The following MYOM2 variants were observed in gnomAD, a reference collection of about 807,000 sequenced individuals.
The protein encoded by MYOM2 is myomesin 2.
MYOM2 carries 254 observed loss-of-function variants against 187.6 expected under a neutral mutation model. The ratio of observed to expected loss-of-function variants is 1.35; its 90% CI spans 1.22 to 1.50. MYOM2 has a LOEUF of 1.50. MYOM2 is among the 40% of genes most tolerant of loss of function. The pLI is 0.00. For synonymous variants in MYOM2, 981 were observed against 753.8 expected (o/e 1.30, Z -4.94); for missense variants, 2,796 against 1,924.0 (o/e 1.45, Z -8.48).
intron 14 of MYOM2, among the ~76,000 whole-genome samples, chr8:2,089,474 C>T (rs1257745963): frequency 1.3e-5 from 2 of 152,162 alleles, no homozygotes; most frequent in Non-Finnish European, 2.9e-5. Context: ...TCTTATTAGA[C>T]TAAAGATCTT....
At chr8:2,130,938 C>A (rs894617072) in intron 32 of MYOM2, among the ~76,000 whole-genome samples, 1 of 152,176 alleles carries the variant, frequency 6.6e-6, no homozygotes, top group African/African-American at 2.4e-5. Context: ...TTTGAGCTTC[C>A]TTCTTATTTA....
chr8:2,056,975 C>T (rs927080567), intron 3 of MYOM2, among the ~76,000 whole-genome samples: 3 of 152,330 alleles, frequency 2.0e-5, no homozygotes, highest in Middle Eastern at 3.4e-3. Context: ...AAGTTCCCGA[C>T]TCTCTGAGTG....
At position 2,123,313 on chromosome 8, in the gene MYOM2, C is replaced by G. The variant is rs139807442; in HGVS notation, c.3515C>G (p.Thr1172Arg). The change falls in exon 29 of 37, where the codon ACG becomes AGG. Residue 1172 changes from threonine to arginine, a missense_variant. Transcript: ENST00000262113. ...CTCAAGGATGATGTTCTGTATGAAA[C>G]GGAGACACTGCCTAACCTGGAGAGG... is the stretch of plus-strand genomic sequence containing the variant. ...KWLKDDVLYE[T>R]ETLPNLERGI... 2 of 1,613,938 alleles carry G rather than the reference C, an allele frequency of 1.2e-6. No individual in the cohort carries two copies. Among genetic ancestry groups the G allele is most frequent in the Admixed American group, 3.3e-5 (2 of 60,018 alleles).
chr8:2,046,751 C>CTTTT (rs574408692), intron 1 of MYOM2, among the ~76,000 whole-genome samples: 1 of 139,510 alleles, frequency 7.2e-6, no homozygotes, highest in Non-Finnish European at 1.5e-5. Context: ...TTTCTTTTTT[C>CTTTT]TTTTTTTTTT....
At chr8:2,138,973 CCACCA>C (rs1798178295) in intron 32 of MYOM2, among the ~76,000 whole-genome samples, 6 of 146,572 alleles carry the variant, frequency 4.1e-5, no homozygotes, top group Non-Finnish European at 7.5e-5. Flanking sequence ...GCCAGCACCA[CCACCA>C]GAGACCCGAC....
chr8:2,061,276 C>A (rs1019685361), intron 6 of MYOM2, among the ~76,000 whole-genome samples: 1 of 151,876 alleles, frequency 6.6e-6, no homozygotes, highest in African/African-American at 2.4e-5. Flanking sequence ...GGGAGGGTGT[C>A]TCTGTCCCTG....
Position 2,103,529 on chromosome 8 carries a change from G to A in MYOM2, c.2734+748G>A, listed in dbSNP as rs1346248634. ...GTGGGAGAGTGTGCATGTATTCTGT[G>A]TATATGTGTATGTATGGATGGGTGT... On this transcript the variant is annotated intron_variant, in intron 21 of 36. Coordinates refer to ENST00000262113, the MANE Select transcript of MYOM2 (RefSeq NM_003970.4). Among the ~76,000 whole-genome samples, 53 of 149,720 alleles carry A rather than the reference G, an allele frequency of 3.5e-4. 2 individuals carry two copies. Among genetic ancestry groups the A allele is most frequent in the Admixed American group, 3.5e-3 (53 of 15,044 alleles).
intron 27 of MYOM2, among the ~76,000 whole-genome samples, chr8:2,116,701 A>G (rs866193506): frequency 1.9e-4 from 29 of 152,226 alleles, no homozygotes; most frequent in Middle Eastern, 3.2e-3. Flanking sequence ...TTAACTAGAT[A>G]CAAAGGAAAA....
chr8:2,138,516 A>G (rs1051768418), intron 32 of MYOM2, among the ~76,000 whole-genome samples: 6 of 152,212 alleles, frequency 3.9e-5, no homozygotes, highest in African/African-American at 9.6e-5. Flanking sequence ...ATTATGGGAA[A>G]AGGGAGCTAA....
rs1462335531 is a variant in MYOM2, at chr8:2,073,494, G to C, written c.1114G>C (p.Val372Leu). Reference protein sequence around the residue: ...GVSDHSAFLFVRDADPLVTGA... With the variant: ...GVSDHSAFLFLRDADPLVTGA... ...CAGCGACCACAGCGCCTTCCTGTTT[G>C]TCAGAGGTGCGGGCAGCAGGGTTCT... The change falls in exon 10 of 37, where the codon GTC becomes CTC. Residue 372 changes from valine to leucine, a missense_variant. Transcript: ENST00000262113. 1.2e-6 allele frequency: 2 copies of C among 1,602,506 alleles called. No homozygotes were observed. Among genetic ancestry groups the C allele is most frequent in the African/African-American group, 2.7e-5 (2 of 74,344 alleles).
intron 32 of MYOM2, among the ~76,000 whole-genome samples, chr8:2,133,248 TC>T (rs1427416016): frequency 1.3e-5 from 2 of 152,228 alleles, no homozygotes; most frequent in Non-Finnish European, 2.9e-5. Context: ...CTCAACACTG[TC>T]CTCTCCAGCC....
At chr8:2,047,886 C>T (rs770604817) in intron 1 of MYOM2, among the ~76,000 whole-genome samples, 12 of 152,262 alleles carry the variant, frequency 7.9e-5, no homozygotes, top group East Asian at 3.9e-4. Context: ...CCGGATGTCA[C>T]GTCAGTGATA....
At chr8:2,079,415 C>G in intron 12 of MYOM2, 145 bp from the exon 13 acceptor site, 1 of 791,376 alleles carries the variant, frequency 1.3e-6, no homozygotes, top group Non-Finnish European at 2.2e-6. Context: ...CAGGACACTT[C>G]CAGAATCAGC....
In MYOM2 at chr8:2,132,081, C is replaced by T. The variant is rs570635898; in HGVS notation, c.3800+2849C>T. On this transcript the variant is annotated intron_variant, in intron 32 of 36. Transcript: ENST00000262113. ...TCACTTCTTGATGACTAAATGCGTT[C>T]TTATTAGATAGCAACTGGAAAAAAA... 2.0e-5 allele frequency among the ~76,000 whole-genome samples: 3 copies of T among 152,238 alleles called. No homozygotes were observed. The South Asian group carries it at 6.2e-4, about 32-fold the overall frequency.
At chr8:2,049,686 T>C (rs1356797536) in intron 1 of MYOM2, among the ~76,000 whole-genome samples, 5 of 152,196 alleles carry the variant, frequency 3.3e-5, no homozygotes, top group Admixed American at 2.6e-4. Flanking sequence ...GCTCAGGTTG[T>C]GAGTCCTTTT....
rs376892891 is a variant in MYOM2 at position 2,052,165 on chromosome 8, T to C, written c.115T>C (p.Ser39Pro). 17 of 1,613,054 alleles carry C rather than the reference T, an allele frequency of 1.1e-5. No individual in the cohort carries two copies. The African/African-American group carries it at 2.1e-4, about 20-fold the overall frequency. ...LDEYASKKRA[S>P]TQASSQKSLS... ...GTGTCCATGTTCCTGAAGGCGAGCTTCCACCCAGGCATCTTCCCAGAAGTC... is the reference window on the plus strand; with the variant it reads ...GTGTCCATGTTCCTGAAGGCGAGCTCCCACCCAGGCATCTTCCCAGAAGTC... The change falls in exon 3 of 37, where the codon TCC becomes CCC. Residue 39 changes from serine to proline, a missense_variant. Physicochemically the swap from Ser to Pro is moderately conservative, Grantham distance 74. Transcript: ENST00000262113.
At chr8:2,100,129 TTTCCTTCC>T (rs71211554) in intron 19 of MYOM2, among the ~76,000 whole-genome samples, 2,162 of 45,484 alleles carry the variant, frequency 0.048, 65 homozygotes, top group East Asian at 0.06. Context: ...TCCTTCCTTC[TTTCCTTCC>T]TTCCTTCCTT....
intron 9 of MYOM2, among the ~76,000 whole-genome samples, chr8:2,073,023 G>T (rs1446007314): frequency 1.3e-5 from 2 of 152,226 alleles, no homozygotes; most frequent in Non-Finnish European, 1.5e-5. Context: ...GGTTGGGGCA[G>T]TGGCCGTCCA....
chr8:2,123,349 A>C lies in MYOM2; in HGVS notation c.3551A>C (p.Glu1184Ala). The change falls in exon 29 of 37, where the codon GAG becomes GCG. Residue 1184 changes from glutamate to alanine, a missense_variant. Transcript: ENST00000262113. ...TLPNLERGIC[E>A]LLIPKLSKKD... Reference sequence around the variant, plus strand: ...CCTAACCTGGAGAGGGGAATCTGTGAGCTCCTCATCCCAAAGGTATCAGGC... The same window carrying C: ...CCTAACCTGGAGAGGGGAATCTGTGCGCTCCTCATCCCAAAGGTATCAGGC... 1 of 1,611,920 alleles carries C rather than the reference A, an allele frequency of 6.2e-7. No homozygotes were observed. Among genetic ancestry groups the C allele is most frequent in the Non-Finnish European group, 8.5e-7 (1 of 1,178,888 alleles).
Sources: allele counts gnomAD v4.1 joint callset (sites outside exome capture counted in the v4.1 genomes callset), GRCh38; gene constraint gnomAD v4.1.1; transcripts MANE v1.5; gene names NCBI Gene and HGNC (gene_info 2026-07-23, HGNC 2026-07-21).